ULK4: variants seen among roughly 807,000 people sequenced by gnomAD.
ULK4 encodes the protein unc-51 like kinase 4, also known as inactive serine/threonine-protein kinase ULK4.
A neutral mutation model predicts 160.6 loss-of-function variants in ULK4; 133 were observed. The ratio of observed to expected loss-of-function variants is 0.83; its 90% CI spans 0.72 to 0.96. The LOEUF (loss-of-function observed/expected upper bound fraction) is 0.96, where lower values mean the gene tolerates loss of function less well. Ranked by LOEUF, ULK4 falls within the 40% of genes least tolerant of loss-of-function variation. The pLI is 0.00. For missense variants in ULK4, 1,580 were observed against 1,499.5 expected, an observed-to-expected ratio of 1.05 and a Z score of -0.89; for synonymous variants, 534 against 539.8, an observed-to-expected ratio of 0.99 and a Z score of 0.15.
intron 31 of ULK4, among the ~76,000 whole-genome samples, chr3:41,581,469 A>G (rs2030334006): frequency 6.6e-6 from 1 of 152,236 alleles, no homozygotes; most frequent in Admixed American, 6.5e-5. Context: ...TTACAAAATA[A>G]TATGTGAACA....
intron 11 of ULK4, among the ~76,000 whole-genome samples, chr3:41,909,982 C>T (rs894347640): frequency 6.6e-6 from 1 of 152,158 alleles, no homozygotes; most frequent in Non-Finnish European, 1.5e-5. Context: ...TTGCAACCTC[C>T]ACCACCCGGG....
At chr3:41,664,220 T>C (rs568105156) in intron 29 of ULK4, among the ~76,000 whole-genome samples, 1 of 152,298 alleles carries the variant, frequency 6.6e-6, no homozygotes, top group Non-Finnish European at 1.5e-5. Flanking sequence ...CAATAAACAT[T>C]AGGCATCTGT....
chr3:41,665,585 T>C (rs149614952), intron 29 of ULK4, among the ~76,000 whole-genome samples: 398 of 152,218 alleles, frequency 2.6e-3, no homozygotes, highest in African/African-American at 9.2e-3. Flanking sequence ...AGTTAAAAGA[T>C]TTGCCCATGT....
chr3:41,679,401 T>C (rs1196167148), intron 29 of ULK4, among the ~76,000 whole-genome samples: 5 of 152,210 alleles, frequency 3.3e-5, no homozygotes, highest in Non-Finnish European at 7.3e-5. Flanking sequence ...TCAAGGCTTA[T>C]ACGCTACAAC....
chr3:41,837,654 C>T (rs961722085), intron 17 of ULK4, among the ~76,000 whole-genome samples: 1 of 152,000 alleles, frequency 6.6e-6, no homozygotes, highest in Non-Finnish European at 1.5e-5. Context: ...ACCTCTGCCT[C>T]CTGAGTTCAA....
intron 17 of ULK4, chr3:41,869,144 T>C: frequency 6.6e-6 from 1 of 152,172 alleles, no homozygotes; most frequent in Non-Finnish European, 1.5e-5. Flanking sequence ...ATTACTCTTG[T>C]TTTTCAGGGT....
chr3:41,831,531 A>ATATATATATATATATATTTTT, intron 18 of ULK4, among the ~76,000 whole-genome samples: 4 of 138,122 alleles, frequency 2.9e-5, no homozygotes, highest in African/African-American at 8.5e-5. Flanking sequence ...ATATATATAT[A>ATATATATATATATATATTTTT]TTTTTTTTTC....
chr3:41,898,508 AAAG>A lies in ULK4; in HGVS notation c.1288-19_1288-17del. On this transcript the variant is annotated splice_polypyrimidine_tract_variant and intron_variant, in intron 13 of 36. Coordinates refer to ENST00000301831, the MANE Select transcript of ULK4 (RefSeq NM_017886.4). ...GTTTCATTATCTGTGGTTTAAAAAA[AAAG>A]AAAGCTTTTGAGACAATTTTTAAGA... The A allele has an allele frequency of 6.5e-7, 1 of 1,548,496 alleles. No homozygotes were observed. Among genetic ancestry groups the A allele is most frequent in the Non-Finnish European group, 8.8e-7 (1 of 1,135,082 alleles).
intron 17 of ULK4, among the ~76,000 whole-genome samples, chr3:41,872,022 G>A (rs9820443): frequency 0.055 from 8,435 of 152,148 alleles, 422 homozygotes; most frequent in East Asian, 0.16. Context: ...GGCAAGTAGC[G>A]TCTGTCCAGT....
chr3:41,429,920 T>G (rs2082864879), intron 34 of ULK4, among the ~76,000 whole-genome samples: 1 of 152,196 alleles, frequency 6.6e-6, no homozygotes, highest in Admixed American at 6.5e-5. Flanking sequence ...ATTAAAATTC[T>G]TTTTAAAAAG....
At chr3:41,774,524 T>C in intron 21 of ULK4, among the ~76,000 whole-genome samples, 1 of 148,634 alleles carries the variant, frequency 6.7e-6, no homozygotes, top group African/African-American at 2.6e-5. Context: ...CACAATGAGA[T>C]ACCATCTCAC....
intron 17 of ULK4, among the ~76,000 whole-genome samples, chr3:41,873,334 T>C (rs562361259): frequency 6.6e-6 from 1 of 151,898 alleles, no homozygotes; most frequent in East Asian, 1.9e-4. Flanking sequence ...TCATCTTCTA[T>C]TCTTAAATTG....
intron 34 of ULK4, among the ~76,000 whole-genome samples, chr3:41,432,298 C>A (rs960471481): frequency 6.6e-6 from 1 of 152,152 alleles, no homozygotes; most frequent in Admixed American, 6.6e-5. Flanking sequence ...AGCACCTCAA[C>A]TTTAAATGGC....
intron 35 of ULK4, among the ~76,000 whole-genome samples, chr3:41,305,388 G>T (rs1182393676): frequency 6.6e-6 from 1 of 152,202 alleles, no homozygotes; most frequent in Non-Finnish European, 1.5e-5. Context: ...GAGCCGCCAC[G>T]CCTGACTGGT....
chr3:41,920,757 G>A (rs913391950), intron 5 of ULK4, among the ~76,000 whole-genome samples: 14 of 152,170 alleles, frequency 9.2e-5, no homozygotes, highest in African/African-American at 3.1e-4. Context: ...CCATTACAGC[G>A]AGATCAGCAG....
intron 7 of ULK4, among the ~76,000 whole-genome samples, chr3:41,917,052 AC>A (rs1698992603): frequency 6.6e-6 from 1 of 152,148 alleles, no homozygotes; most frequent in African/African-American, 2.4e-5. Context: ...AGTATTCCTA[AC>A]TTGAACAACT....
chr3:41,814,560 T>A (rs1429944859), intron 19 of ULK4, among the ~76,000 whole-genome samples: 1 of 152,180 alleles, frequency 6.6e-6, no homozygotes, highest in Non-Finnish European at 1.5e-5. Flanking sequence ...ATGCTGATTG[T>A]TTTTGTCTGT....
At chr3:41,955,374 G>C (rs549300280) in intron 1 of ULK4, 88 of 152,662 alleles carry the variant, frequency 5.8e-4, no homozygotes, top group African/African-American at 2.0e-3. Context: ...CGTGCCTCTA[G>C]GGTGGGTAGA....
At chr3:41,397,199 A>G (rs72866678) in intron 35 of ULK4, among the ~76,000 whole-genome samples, 3,385 of 152,226 alleles carry the variant, frequency 0.022, 141 homozygotes, top group African/African-American at 0.073. Flanking sequence ...ATCAGCAGGG[A>G]AAGATTTACT....
Sources: gnomAD v4.1 joint callset for allele counts (sites outside exome capture counted in the v4.1 genomes callset) on GRCh38, gnomAD v4.1.1 for gene constraint, MANE v1.5 for transcripts, NCBI Gene and HGNC (gene_info 2026-07-23, HGNC 2026-07-21) for gene names.